Variants in CACNA1A observed in about 807,000 individuals in gnomAD.
CACNA1A encodes calcium voltage-gated channel subunit alpha1 A, also known as voltage-dependent P/Q-type calcium channel subunit alpha-1A.
Under a neutral mutation model 262.4 loss-of-function variants are expected in CACNA1A, and 57 were observed. The observed-to-expected ratio is 0.22, with a 90% CI of 0.18 to 0.27. CACNA1A has a LOEUF of 0.27. Ranked by LOEUF, CACNA1A falls within the 10% of genes least tolerant of loss-of-function variation. The pLI is 1.00. For synonymous variants in CACNA1A, 1,431 were observed against 1,419.3 expected, an observed-to-expected ratio of 1.01 and a Z score of -0.18; for missense variants, 2,526 against 3,562.8, an observed-to-expected ratio of 0.71 and a Z score of 7.41.
chr19:13,268,658 T>A (rs2056931132), intron 24 of CACNA1A, among the ~76,000 whole-genome samples: 1 of 152,010 alleles, frequency 6.6e-6, no homozygotes, highest in African/African-American at 2.4e-5. Flanking sequence ...ATGGTCTCCA[T>A]CTCTTGACCT....
intron 1 of CACNA1A, among the ~76,000 whole-genome samples, chr19:13,478,491 A>G (rs747592939): frequency 6.6e-6 from 1 of 151,754 alleles, no homozygotes; most frequent in Admixed American, 6.6e-5. Context: ...CCAATTTTTT[A>G]TTTTTTTGTA....
At chr19:13,309,746 GT>G (rs1273156557) in intron 12 of CACNA1A, among the ~76,000 whole-genome samples, 1 of 152,028 alleles carries the variant, frequency 6.6e-6, no homozygotes, top group Non-Finnish European at 1.5e-5. Context: ...TACCCTGGAA[GT>G]TTCCAGAGAC....
chr19:13,233,805 T>C (rs969672600), intron 34 of CACNA1A, among the ~76,000 whole-genome samples: 1 of 152,142 alleles, frequency 6.6e-6, no homozygotes, highest in African/African-American at 2.4e-5. Context: ...TCCCCTTTAT[T>C]CTTGAATTTT....
At chr19:13,452,613 GATTAA>G (rs2060936028) in intron 3 of CACNA1A, 1 of 312,206 alleles carries the variant, frequency 3.2e-6, no homozygotes, top group Non-Finnish European at 5.9e-6. Flanking sequence ...TTGTTGCAAG[GATTAA>G]ATTAGAGAAT....
chr19:13,321,025 C>CTTTT (rs55792271), intron 10 of CACNA1A, among the ~76,000 whole-genome samples: 4 of 135,940 alleles, frequency 2.9e-5, no homozygotes, highest in African/African-American at 5.5e-5. Context: ...TGTTCTTTTC[C>CTTTT]TTTTTTTTTT....
chr19:13,328,827 G>A (rs1402055799), intron 10 of CACNA1A, among the ~76,000 whole-genome samples: 1 of 151,848 alleles, frequency 6.6e-6, no homozygotes, highest in African/African-American at 2.4e-5. Context: ...AGCGATAAAA[G>A]GGGAATACGA....
chr19:13,478,012 C>A (rs1020585029), intron 1 of CACNA1A, among the ~76,000 whole-genome samples: 20 of 152,114 alleles, frequency 1.3e-4, no homozygotes, highest in African/African-American at 4.8e-4. Flanking sequence ...AAGAAGCAGT[C>A]CCTGATTTTT....
chr19:13,490,801 G>A (rs1980756105), intron 1 of CACNA1A, among the ~76,000 whole-genome samples: 1 of 148,110 alleles, frequency 6.8e-6, no homozygotes, highest in Non-Finnish European at 1.5e-5. Context: ...AAAGAGAAAG[G>A]AAAAAGGAAG....
At chr19:13,227,777 A>G in intron 36 of CACNA1A, 1 of 251,168 alleles carries the variant, frequency 4.0e-6, no homozygotes, top group Non-Finnish European at 7.6e-6. Context: ...GCTCGGGAGC[A>G]GGGAGAGAGA....
chr19:13,329,486 C>CTT lies in CACNA1A; in HGVS notation c.1345+756_1345+757dup, dbSNP rs35821858. On this transcript the variant is annotated intron_variant, in intron 10 of 46. Transcript: ENST00000360228. ...ATGTAGGTAGGGATTTGGTTTGTGT[C>CTT]TTTTTTTTTTTTTTTTTTTTGAGAC... 7.8e-3 allele frequency among the ~76,000 whole-genome samples: 965 copies of CTT among 123,794 alleles called. 17 individuals are homozygous for CTT. Among genetic ancestry groups the CTT allele is most frequent in the African/African-American group, 0.029 (904 of 31,670 alleles). The allele number at this position is 123,794 out of a possible 152,430, so 81.2% of individuals were successfully genotyped here.
At chr19:13,380,984 C>T (rs1263033698) in intron 3 of CACNA1A, among the ~76,000 whole-genome samples, 1 of 151,946 alleles carries the variant, frequency 6.6e-6, no homozygotes, top group Non-Finnish European at 1.5e-5. Flanking sequence ...CCATATTGCC[C>T]AGGCTGGTCT....
At chr19:13,215,342 G>A (rs1327446203) in intron 38 of CACNA1A, 1 of 85,726 alleles carries the variant, frequency 1.2e-5, no homozygotes, top group African/African-American at 4.2e-5. Flanking sequence ...TTTTTGAGAT[G>A]GAGTTTCACT....
At chr19:13,389,466 C>T (rs750719138) in intron 3 of CACNA1A, among the ~76,000 whole-genome samples, 6 of 152,202 alleles carry the variant, frequency 3.9e-5, no homozygotes, top group African/African-American at 4.8e-5. Context: ...CCTCACTGGA[C>T]TGAGTACTAC....
At chr19:13,480,271 CTCT>C (rs1239658170) in intron 1 of CACNA1A, among the ~76,000 whole-genome samples, 2 of 152,148 alleles carry the variant, frequency 1.3e-5, no homozygotes, top group African/African-American at 4.8e-5. Context: ...CCAACTCCTC[CTCT>C]TCTTCAGCCT....
chr19:13,239,873 A>C (rs1432665607), intron 31 of CACNA1A, among the ~76,000 whole-genome samples: 2 of 151,912 alleles, frequency 1.3e-5, no homozygotes, highest in African/African-American at 4.8e-5. Context: ...ATTAGAGGCC[A>C]GGTGTAGTGG....
chr19:13,363,009 A>T (rs1010092189), intron 5 of CACNA1A: 1 of 152,144 alleles, frequency 6.6e-6, no homozygotes, highest in Non-Finnish European at 1.5e-5. Context: ...AATACATTTT[A>T]AAATTAACCC....
chr19:13,404,534 G>A (rs2059968759), intron 3 of CACNA1A, among the ~76,000 whole-genome samples: 1 of 152,196 alleles, frequency 6.6e-6, no homozygotes, highest in East Asian at 1.9e-4. Flanking sequence ...GCTGGAAGTG[G>A]CAAGTGGCCC....
rs1238026657 is a variant in CACNA1A at position 13,207,008 on chromosome 19, T to G, written c.*305A>C. On this transcript the variant is annotated 3_prime_UTR_variant, in exon 47 of 47. Coordinates refer to ENST00000360228, the MANE Select transcript of CACNA1A (RefSeq NM_001127222.2). This position sits in a 1 kb window ranked among gnomAD's most constrained non-coding sequence, Gnocchi z 5.7. ...CAAAGTTCTCCAAAAATGGCTGAGT[T>G]AATTCAAATCCCTTGGCTGTGTGGT... 1 of 161,010 alleles carries G rather than the reference T, an allele frequency of 6.2e-6. No individual in the cohort carries two copies. Among genetic ancestry groups the G allele is most frequent in the Non-Finnish European group, 1.3e-5 (1 of 79,736 alleles). 10.0% of individuals were successfully genotyped at this position (161,010 alleles called of 1,614,324 possible).
chr19:13,380,392 T>C (rs529926165), intron 3 of CACNA1A, among the ~76,000 whole-genome samples: 71 of 150,066 alleles, frequency 4.7e-4, no homozygotes, highest in African/African-American at 1.6e-3. Flanking sequence ...ATGCCTGTAA[T>C]CCCAGCACTT....
Sources: gnomAD v4.1 joint callset for allele counts (sites outside exome capture counted in the v4.1 genomes callset) on GRCh38, gnomAD v4.1.1 for gene constraint, Gnocchi (gnomAD v3.1) non-coding constraint, MANE v1.5 for transcripts, NCBI Gene and HGNC (gene_info 2026-07-23, HGNC 2026-07-21) for gene names.